Variants in DPP10 observed in about 807,000 individuals in gnomAD.
The protein encoded by DPP10 is inactive dipeptidyl peptidase 10.
DPP10 carries 33 observed loss-of-function variants against 120.9 expected under a neutral mutation model. That is an observed-to-expected ratio of 0.27 (90% CI 0.21 to 0.37). The LOEUF is 0.37. DPP10 is among the 10% of genes least tolerant of loss of function. The pLI is 1.00. For missense variants in DPP10, 816 were observed against 942.8 expected, an observed-to-expected ratio of 0.87 and a Z score of 1.76; for synonymous variants, 337 against 326.1, an observed-to-expected ratio of 1.03 and a Z score of -0.36.
intron 3 of DPP10, among the ~76,000 whole-genome samples, chr2:115,391,324 G>A (rs1008067651): frequency 5.9e-5 from 9 of 152,128 alleles, no homozygotes; most frequent in African/African-American, 1.9e-4. Context: ...CACTGATTGT[G>A]TAAGCAGTAT....
At chr2:114,785,971 A>C (rs931250554) in intron 1 of DPP10, among the ~76,000 whole-genome samples, 1 of 152,218 alleles carries the variant, frequency 6.6e-6, no homozygotes. Flanking sequence ...TAAGATTTAA[A>C]AATGGCTTGT....
chr2:115,071,747 G>T lies in DPP10; in HGVS notation c.61-237492G>T, dbSNP rs1291975874. 3.9e-5 allele frequency among the ~76,000 whole-genome samples: 6 copies of T among 152,130 alleles called. No homozygotes were observed. The East Asian group carries it at 1.2e-3, about 29-fold the overall frequency. ...TTGTTTCAGCAGTAGGTGAGGGCGTGGCTGAGGCCTGGCAGGGAAGCGATG... is the reference window on the plus strand; with the variant it reads ...TTGTTTCAGCAGTAGGTGAGGGCGTTGCTGAGGCCTGGCAGGGAAGCGATG... On this transcript the variant is annotated intron_variant, in intron 1 of 25. Coordinates refer to ENST00000410059, the MANE Select transcript of DPP10 (RefSeq NM_020868.6).
At chr2:115,381,033 A>G (rs1168653175) in intron 3 of DPP10, among the ~76,000 whole-genome samples, 9 of 151,832 alleles carry the variant, frequency 5.9e-5, no homozygotes, top group African/African-American at 1.7e-4. Flanking sequence ...TATGTGTCTT[A>G]GAGTTGCTCT....
At chr2:114,930,389 G>C (rs1029932858) in intron 1 of DPP10, among the ~76,000 whole-genome samples, 1 of 152,104 alleles carries the variant, frequency 6.6e-6, no homozygotes, top group African/African-American at 2.4e-5. Context: ...CTTCTTGAAG[G>C]CTTTGCACCT....
intron 1 of DPP10, among the ~76,000 whole-genome samples, chr2:114,899,399 A>G (rs1205154195): frequency 8.5e-5 from 13 of 152,126 alleles, no homozygotes; most frequent in Non-Finnish European, 1.9e-4. Context: ...TATCACATAT[A>G]ACTAGAAATT....
At chr2:114,571,742 T>C (rs1689664448) in intron 1 of DPP10, among the ~76,000 whole-genome samples, 1 of 151,744 alleles carries the variant, frequency 6.6e-6, no homozygotes, top group Non-Finnish European at 1.5e-5. Context: ...TTGAATGAAC[T>C]CTCTGTCACT....
chr2:114,952,395 A>G (rs1331777651), intron 1 of DPP10, among the ~76,000 whole-genome samples: 4 of 152,228 alleles, frequency 2.6e-5, no homozygotes, highest in Non-Finnish European at 5.9e-5. Context: ...TTTCTCTGAT[A>G]AAACATTAAC....
In DPP10 at chr2:114,519,732, C is replaced by T. The variant is rs539377984; in HGVS notation, c.60+76894C>T. On this transcript the variant is annotated intron_variant, in intron 1 of 25. Transcript: ENST00000410059. The stretch of plus-strand genomic sequence containing the variant: ...TCAGATTCATAGCATGGAGCATCAT[C>T]CACTTTTAATGTTTTCCATCCACAT... 1.2e-4 allele frequency among the ~76,000 whole-genome samples: 19 copies of T among 152,332 alleles called. No homozygotes were observed. In the South Asian group the frequency reaches 3.7e-3, roughly 30 times the overall value.
intron 5 of DPP10, among the ~76,000 whole-genome samples, chr2:115,646,702 G>A (rs1414883489): frequency 6.6e-6 from 1 of 152,130 alleles, no homozygotes; most frequent in Admixed American, 6.6e-5. Flanking sequence ...AGTTTGGGCA[G>A]GTTAAACAGA....
At position 115,293,480 on chromosome 2, in the gene DPP10, C is replaced by T. The variant is rs189358261; in HGVS notation, c.61-15759C>T. Among the ~76,000 whole-genome samples the T allele has an allele frequency of 1.8e-4, 28 of 152,194 alleles. No homozygotes were observed. In the East Asian group the frequency reaches 5.2e-3, roughly 28 times the overall value. ...CAGTTAACCGTGACGTAGGCAGTGC[C>T]TTTCTCTGTAGTCTGGGAACAGTTC... is the stretch of plus-strand genomic sequence containing the variant. On this transcript the variant is annotated intron_variant, in intron 1 of 25. Coordinates refer to ENST00000410059, the MANE Select transcript of DPP10 (RefSeq NM_020868.6).
chr2:114,961,081 C>T (rs113685008), intron 1 of DPP10, among the ~76,000 whole-genome samples: 686 of 40,498 alleles, frequency 0.017, 5 homozygotes, highest in Middle Eastern at 0.062. Context: ...GGCAGAGTTT[C>T]GCTTTTGTTG....
At chr2:115,092,064 G>T (rs1709309227) in intron 1 of DPP10, among the ~76,000 whole-genome samples, 1 of 152,158 alleles carries the variant, frequency 6.6e-6, no homozygotes, top group Admixed American at 6.5e-5. Context: ...ACCAGCCCAG[G>T]ACTCTGTTGT....
At chr2:115,099,293 G>A (rs961943638) in intron 1 of DPP10, among the ~76,000 whole-genome samples, 5 of 152,046 alleles carry the variant, frequency 3.3e-5, no homozygotes, top group South Asian at 2.1e-4. Flanking sequence ...CAGCATGGGC[G>A]ACAGAACAAG....
At chr2:115,495,302 T>C (rs2076333149) in intron 3 of DPP10, among the ~76,000 whole-genome samples, 1 of 146,788 alleles carries the variant, frequency 6.8e-6, no homozygotes, top group South Asian at 2.1e-4. Context: ...TGTTTGATAA[T>C]TGAGCCATTT....
intron 1 of DPP10, among the ~76,000 whole-genome samples, chr2:114,944,177 G>C (rs775007889): frequency 6.6e-6 from 1 of 152,010 alleles, no homozygotes; most frequent in Non-Finnish European, 1.5e-5. Flanking sequence ...CTTTCCCTGG[G>C]TATGCACATT....
intron 1 of DPP10, among the ~76,000 whole-genome samples, chr2:114,895,336 C>T (rs1307584498): frequency 6.6e-6 from 1 of 152,214 alleles, no homozygotes; most frequent in Non-Finnish European, 1.5e-5. Context: ...TCATTAGAGA[C>T]TCACCAAACC....
At chr2:114,685,527 G>T (rs1345018027) in intron 1 of DPP10, among the ~76,000 whole-genome samples, 1 of 151,930 alleles carries the variant, frequency 6.6e-6, no homozygotes, top group Non-Finnish European at 1.5e-5. Flanking sequence ...TCCAGAATTA[G>T]CTATGTGCTT....
chr2:115,097,112 C>T (rs568714263), intron 1 of DPP10, among the ~76,000 whole-genome samples: 90 of 152,222 alleles, frequency 5.9e-4, no homozygotes, highest in Non-Finnish European at 1.1e-3. Flanking sequence ...GACAGCTAAG[C>T]ACCTGTGTTG....
Position 115,372,628 on chromosome 2 carries a change from A to G in DPP10, c.271+28716A>G, listed in dbSNP as rs145742568. Among the ~76,000 whole-genome samples, 28 of 152,304 alleles carry G rather than the reference A, an allele frequency of 1.8e-4. No homozygotes were observed. In the East Asian group the frequency reaches 5.4e-3, roughly 29 times the overall value. ...GCACCCTTACTTGCGGTAACTGGCT[A>G]CTGATTCAGCAACTGAATGAGAGAA... On this transcript the variant is annotated intron_variant, in intron 3 of 25. Coordinates refer to ENST00000410059, the MANE Select transcript of DPP10 (RefSeq NM_020868.6).
Sources: allele counts gnomAD v4.1 joint callset (sites outside exome capture counted in the v4.1 genomes callset), GRCh38; gene constraint gnomAD v4.1.1; transcripts MANE v1.5; gene names NCBI Gene and HGNC (gene_info 2026-07-23, HGNC 2026-07-21).